NTRK3: variants seen among roughly 807,000 people sequenced by gnomAD.
NTRK3 encodes the protein NT-3 growth factor receptor.
A neutral mutation model predicts 91.7 loss-of-function variants in NTRK3; 24 were observed. That is an observed-to-expected ratio of 0.26 (90% CI 0.19 to 0.37). The LOEUF (loss-of-function observed/expected upper bound fraction) is 0.37. NTRK3 is among the 10% of genes least tolerant of loss of function. The probability of loss-of-function intolerance (pLI) is 1.00; values close to 1 mark genes in which losing one functional copy is unlikely to be tolerated. For synonymous variants in NTRK3, 483 were observed against 404.0 expected (o/e 1.20, Z -2.34); for missense variants, 880 against 1,068.9 (o/e 0.82, Z 2.46).
intron 14 of NTRK3, among the ~76,000 whole-genome samples, chr15:87,957,827 T>G (rs1209951213): frequency 6.6e-6 from 1 of 152,186 alleles, no homozygotes; most frequent in African/African-American, 2.4e-5. Context: ...TGGCCCATTG[T>G]TTAGCAGAGC....
intron 13 of NTRK3, among the ~76,000 whole-genome samples, chr15:88,057,453 G>T (rs1180409668): frequency 1.3e-5 from 2 of 151,336 alleles, no homozygotes; most frequent in African/African-American, 4.9e-5. Context: ...AGCTGAGATT[G>T]TGCCACTGCA....
intron 14 of NTRK3, among the ~76,000 whole-genome samples, chr15:88,013,371 G>A (rs112707476): frequency 5.9e-4 from 90 of 152,346 alleles, no homozygotes; most frequent in African/African-American, 1.8e-3. Context: ...GTGGACCATC[G>A]CCAGTGTTGG....
chr15:88,101,609 A>T (rs1156759218), intron 13 of NTRK3, among the ~76,000 whole-genome samples: 2 of 152,252 alleles, frequency 1.3e-5, no homozygotes, highest in Non-Finnish European at 2.9e-5. Flanking sequence ...AAAGACTTGC[A>T]ACCAACCCAA....
chr15:87,959,423 T>G lies in NTRK3; in HGVS notation c.1586-18670A>C, dbSNP rs111430750. On this transcript the variant is annotated intron_variant, in intron 14 of 18. Transcript: ENST00000394480. ...CTCTCTGGAAACATCAAGCGAGAGCTGGAGATCCAGCACCAACTGAGATGG... is the reference window on the plus strand; with the variant it reads ...CTCTCTGGAAACATCAAGCGAGAGCGGGAGATCCAGCACCAACTGAGATGG... 2.3e-4 allele frequency among the ~76,000 whole-genome samples: 35 copies of G among 152,248 alleles called. 1 individual carries two copies. The highest frequency in any genetic ancestry group is 8.4e-4 in the African/African-American group (35 of 41,546).
exon 19 of NTRK3, chr15:87,872,285 T>C: frequency 4.5e-6 from 1 of 220,618 alleles, no homozygotes; most frequent in Non-Finnish European, 9.1e-6. Flanking sequence ...GCAATCACTG[T>C]ACTTTGGAGT....
At chr15:87,991,542 T>C (rs1322016815) in intron 14 of NTRK3, among the ~76,000 whole-genome samples, 2 of 152,204 alleles carry the variant, frequency 1.3e-5, no homozygotes, top group African/African-American at 4.8e-5. Context: ...AGCTGGCTTC[T>C]TGGCATTCCC....
chr15:88,048,626 T>G (rs749599517), intron 13 of NTRK3, among the ~76,000 whole-genome samples: 1 of 152,216 alleles, frequency 6.6e-6, no homozygotes, highest in African/African-American at 2.4e-5. Flanking sequence ...TTTGCTCTCA[T>G]GATGGGAAGA....
intron 13 of NTRK3, among the ~76,000 whole-genome samples, chr15:88,110,929 A>G (rs2051272271): frequency 1.3e-5 from 2 of 152,090 alleles, no homozygotes; most frequent in Admixed American, 1.3e-4. Context: ...GCCCAGATGG[A>G]ATGGTGGGGT....
exon 19 of NTRK3, chr15:87,876,482 G>T: frequency 4.4e-6 from 1 of 226,966 alleles, no homozygotes; most frequent in Non-Finnish European, 8.7e-6. Flanking sequence ...TCCCGTCCCA[G>T]AGCTCTCATC....
chr15:87,937,712 A>C (rs1296250007), intron 15 of NTRK3, among the ~76,000 whole-genome samples: 1 of 152,178 alleles, frequency 6.6e-6, no homozygotes, highest in Non-Finnish European at 1.5e-5. Context: ...AAATAAGTAA[A>C]TGCTCAAAAG....
At chr15:88,038,555 A>G (rs1279553554) in intron 13 of NTRK3, among the ~76,000 whole-genome samples, 1 of 152,172 alleles carries the variant, frequency 6.6e-6, no homozygotes, top group Non-Finnish European at 1.5e-5. Flanking sequence ...ATGAAAAGCC[A>G]GTCTCAGCTT....
At chr15:87,886,507 A>G (rs1343196983) in intron 17 of NTRK3, among the ~76,000 whole-genome samples, 1 of 150,712 alleles carries the variant, frequency 6.6e-6, no homozygotes, top group South Asian at 2.1e-4. Context: ...TGAAAAATAT[A>G]TTGTAGTATT....
At chr15:88,206,043 T>C (rs1393611215) in intron 3 of NTRK3, 1 of 152,288 alleles carries the variant, frequency 6.6e-6, no homozygotes, top group Non-Finnish European at 1.5e-5. Context: ...AAGACACTTA[T>C]TAAAACTCTC....
At chr15:88,135,827 T>C in intron 9 of NTRK3, 72 bp downstream of exon 9, 1 of 1,583,684 alleles carries the variant, frequency 6.3e-7, no homozygotes, top group Non-Finnish European at 8.6e-7. Flanking sequence ...TGACAACACC[T>C]TGGCCCCTCT....
chr15:88,246,903 A>C (rs947670831), intron 3 of NTRK3, among the ~76,000 whole-genome samples: 1 of 152,178 alleles, frequency 6.6e-6, no homozygotes, highest in Non-Finnish European at 1.5e-5. Flanking sequence ...GCCAGGGCTG[A>C]CAGTGCACTT....
At chr15:87,933,406 C>T (rs934197380) in intron 15 of NTRK3, among the ~76,000 whole-genome samples, 2 of 152,250 alleles carry the variant, frequency 1.3e-5, no homozygotes, top group African/African-American at 2.4e-5. Context: ...TTCTGACATC[C>T]ACATCCCGTG....
At chr15:87,975,918 A>G (rs2073676853) in intron 14 of NTRK3, among the ~76,000 whole-genome samples, 1 of 152,016 alleles carries the variant, frequency 6.6e-6, no homozygotes, top group South Asian at 2.1e-4. Context: ...AAGACATTCC[A>G]CATCCTTTCC....
At chr15:88,004,069 T>C (rs1350742818) in intron 14 of NTRK3, among the ~76,000 whole-genome samples, 1 of 152,186 alleles carries the variant, frequency 6.6e-6, no homozygotes, top group Non-Finnish European at 1.5e-5. Flanking sequence ...CTGTTTGCTG[T>C]GCCTCTGACT....
At chr15:88,151,768 C>T (rs536518139) in intron 5 of NTRK3, among the ~76,000 whole-genome samples, 35 of 152,276 alleles carry the variant, frequency 2.3e-4, no homozygotes, top group African/African-American at 8.2e-4. Context: ...TTGGAAGCAC[C>T]TCCTCTTCTA....
Sources: allele counts gnomAD v4.1 joint callset (sites outside exome capture counted in the v4.1 genomes callset), GRCh38; gene constraint gnomAD v4.1.1; transcripts MANE v1.5; gene names NCBI Gene and HGNC (gene_info 2026-07-23, HGNC 2026-07-21).